The following CLCN4 variants were observed in gnomAD, a reference collection of about 807,000 sequenced individuals.
CLCN4 encodes the protein Cl-/H+ antiporter 4, also known as H(+)/Cl(-) exchange transporter 4.
A neutral mutation model predicts 41.7 loss-of-function variants in CLCN4; 1 was observed. That is an observed-to-expected ratio of 0.02 (90% CI 0.01 to 0.11). CLCN4 has a LOEUF of 0.11. Ranked by LOEUF, CLCN4 falls within the 10% of genes least tolerant of loss-of-function variation. The probability of loss-of-function intolerance (pLI) is 1.00; values close to 1 mark genes in which losing one functional copy is unlikely to be tolerated. For synonymous variants in CLCN4, 277 were observed against 285.8 expected (o/e 0.97, Z 0.31); for missense variants, 287 against 661.0 (o/e 0.43, Z 6.20).
rs773821059 is a variant in CLCN4, at chrX:10,187,506, T to G, written c.145-9T>G. The G allele has an allele frequency of 8.4e-7, 1 of 1,184,021 alleles. No individual in the cohort carries two copies. Among genetic ancestry groups the G allele is most frequent in the Non-Finnish European group, 1.1e-6 (1 of 871,335 alleles). ...ATTCGGATCAGTTGCTGTATCTGCT[T>G]TGTTCTAGATCACCAGCAAGAGCAA... is the stretch of plus-strand genomic sequence containing the variant. On this transcript the variant is annotated splice_polypyrimidine_tract_variant and intron_variant, in intron 3 of 12. Coordinates refer to ENST00000380833, the MANE Select transcript of CLCN4 (RefSeq NM_001830.4).
chrX:10,201,198 G>T (rs1602153445), intron 6 of CLCN4, among the ~76,000 whole-genome samples: 1 of 111,782 alleles, frequency 8.9e-6, no homozygotes, highest in East Asian at 2.8e-4. Flanking sequence ...AAGGAGGAAG[G>T]TTCGACTGGG....
intron 11 of CLCN4, 141 bp downstream of exon 11, chrX:10,214,220 GGT>G (rs1286411605): frequency 6.3e-6 from 4 of 635,683 alleles, no homozygotes; most frequent in Non-Finnish European, 9.1e-6. Flanking sequence ...GTCACCCAGG[GGT>G]CTGGCTCAAA....
intron 6 of CLCN4, among the ~76,000 whole-genome samples, chrX:10,203,685 C>T (rs1260316760): frequency 1.8e-5 from 2 of 111,609 alleles, no homozygotes; most frequent in Non-Finnish European, 3.8e-5. Context: ...TTCGAGTCAC[C>T]TACAGAGGCT....
rs1924646216 is a variant in CLCN4 at position 10,214,212 on chromosome X, C to T, written c.1975+133C>T. 1.2e-5 allele frequency: 8 copies of T among 677,713 alleles called. 1 individual carries two copies. The African/African-American group carries it at 1.5e-4, about 13-fold the overall frequency. The allele number at this position is 677,713 out of a possible 1,213,427, so 55.9% of individuals were successfully genotyped here. Reference sequence around the variant, plus strand: ...CTCAAGCTTTCACATGTCTCTGGGTCACCCAGGGGTCTGGCTCAAAAGCAG... The same window carrying T: ...CTCAAGCTTTCACATGTCTCTGGGTTACCCAGGGGTCTGGCTCAAAAGCAG... On this transcript the variant is annotated intron_variant, in intron 11 of 12. Transcript: ENST00000380833.
chrX:10,188,166 G>C (rs1396058352), intron 4 of CLCN4, among the ~76,000 whole-genome samples: 4 of 112,661 alleles, frequency 3.6e-5, no homozygotes, highest in African/African-American at 6.5e-5. Context: ...CCATCCTCCT[G>C]CCTCAGCCAA....
chrX:10,167,518 CTG>C (rs1275710514), intron 2 of CLCN4, among the ~76,000 whole-genome samples: 4 of 112,113 alleles, frequency 3.6e-5, no homozygotes, highest in African/African-American at 1.3e-4. Context: ...CAGGGCTGAC[CTG>C]TGTCACCAAT....
intron 8 of CLCN4, 117 bp downstream of exon 8, chrX:10,206,893 C>T (rs943143464): frequency 6.9e-6 from 3 of 435,185 alleles, no homozygotes; most frequent in Non-Finnish European, 1.1e-5. Context: ...ACAATTTCCA[C>T]TGTTTTTTTT....
chrX:10,211,223 G>C (rs1924539080), intron 9 of CLCN4, among the ~76,000 whole-genome samples: 1 of 83,911 alleles, frequency 1.2e-5, no homozygotes, highest in East Asian at 4.4e-4. Flanking sequence ...CTGAGATCAC[G>C]CCACTGCACA....
chrX:10,212,860 A>ACACACACACACACACACACAC (rs1924601343), intron 10 of CLCN4, among the ~76,000 whole-genome samples: 4 of 76,203 alleles, frequency 5.2e-5, no homozygotes, highest in Admixed American at 1.5e-4. Flanking sequence ...CACACACACA[A>ACACACACACACACACACACAC]ACAGATGCCC....
intron 2 of CLCN4, among the ~76,000 whole-genome samples, chrX:10,169,791 C>CTTTTTTTTTT (rs768158943): frequency 3.4e-5 from 2 of 58,549 alleles, no homozygotes; most frequent in Non-Finnish European, 3.1e-5. Flanking sequence ...CTTTTCTTTT[C>CTTTTTTTTTT]TTTTTTTTTT....
intron 2 of CLCN4, among the ~76,000 whole-genome samples, chrX:10,159,063 T>A (rs1923028831): frequency 8.9e-6 from 1 of 112,720 alleles, no homozygotes; most frequent in African/African-American, 3.2e-5. Context: ...AAGAGCCAGA[T>A]GTGCAATCTA....
intron 2 of CLCN4, among the ~76,000 whole-genome samples, chrX:10,181,618 G>C (rs1393600463): frequency 9.0e-6 from 1 of 111,610 alleles, no homozygotes; most frequent in African/African-American, 3.3e-5. Context: ...GATTCACCTA[G>C]GGTAGCATTT....
At chrX:10,187,641 C>G (rs370726692) in intron 4 of CLCN4, 27 bp downstream of exon 4, 1 of 1,112,576 alleles carries the variant, frequency 9.0e-7, no homozygotes, top group African/African-American at 1.8e-5. Flanking sequence ...GCGGCACTCC[C>G]GTGGGAAGCT....
chrX:10,169,639 A>G (rs1218119542), intron 2 of CLCN4, among the ~76,000 whole-genome samples: 4 of 111,749 alleles, frequency 3.6e-5, no homozygotes, highest in Admixed American at 2.8e-4. Context: ...TTTGCTACAA[A>G]TTATAAAACT....
At chrX:10,169,286 G>C (rs1923323346) in intron 2 of CLCN4, among the ~76,000 whole-genome samples, 1 of 111,764 alleles carries the variant, frequency 8.9e-6, no homozygotes, top group Admixed American at 9.5e-5. Flanking sequence ...CCTCCACTTG[G>C]ATAAAAACAG....
At chrX:10,218,816 G>A (rs997287918) in intron 11 of CLCN4, among the ~76,000 whole-genome samples, 2 of 112,422 alleles carry the variant, frequency 1.8e-5, no homozygotes, top group Non-Finnish European at 3.8e-5. Flanking sequence ...GCATAGCTCA[G>A]GCTTCTGGCT....
chrX:10,219,049 C>T (rs758197131), intron 11 of CLCN4, among the ~76,000 whole-genome samples: 12 of 112,832 alleles, frequency 1.1e-4, no homozygotes, highest in Non-Finnish European at 2.1e-4. Flanking sequence ...TGGGAGTGCA[C>T]TGGTGAGCAA....
chrX:10,181,790 G>A (rs1923692413), intron 2 of CLCN4, among the ~76,000 whole-genome samples: 1 of 111,927 alleles, frequency 8.9e-6, no homozygotes, highest in Admixed American at 9.4e-5. Context: ...TCCCTGTTCT[G>A]AGAGCGAGCT....
chrX:10,188,701 A>G (rs1415856336), intron 4 of CLCN4, among the ~76,000 whole-genome samples: 1 of 112,606 alleles, frequency 8.9e-6, no homozygotes, highest in African/African-American at 3.2e-5. Flanking sequence ...TAGAGAACAG[A>G]TCAGGGAATT....
Sources: allele counts gnomAD v4.1 joint callset (sites outside exome capture counted in the v4.1 genomes callset), GRCh38; gene constraint gnomAD v4.1.1; transcripts MANE v1.5; gene names NCBI Gene and HGNC (gene_info 2026-07-23, HGNC 2026-07-21).